TMEM236: variants seen among roughly 807,000 people sequenced by gnomAD.
TMEM236 encodes family with sequence similarity 23, member A.
A neutral mutation model predicts 14.7 loss-of-function variants in TMEM236; 11 were observed. That is an observed-to-expected ratio of 0.75 (90% CI 0.47 to 1.24). The LOEUF is 1.24. TMEM236 is among the 50% of genes most tolerant of loss of function. The probability of loss-of-function intolerance (pLI) is 0.00; values close to 1 mark genes in which losing one functional copy is unlikely to be tolerated. For missense variants in TMEM236, 464 were observed against 427.3 expected (o/e 1.09, Z -0.76); for synonymous variants, 182 against 168.6 (o/e 1.08, Z -0.62).
At chr10:17,774,030 TTTGTTTG>T (rs1837618575) in intron 2 of TMEM236, among the ~76,000 whole-genome samples, 65 of 57,646 alleles carry the variant, frequency 1.1e-3, no homozygotes, top group African/African-American at 6.4e-3. Context: ...TATATATATT[TTTGTTTG>T]TTTGTTTGTT....
intron 3 of TMEM236, among the ~76,000 whole-genome samples, chr10:17,788,270 C>T (rs1837869426): frequency 6.6e-6 from 1 of 150,682 alleles, no homozygotes; most frequent in African/African-American, 2.4e-5. Context: ...CTAGTCTAAC[C>T]ATATATCTCT....
At chr10:17,775,991 CAAT>C in intron 2 of TMEM236, 35 bp from the exon 3 acceptor site, 1 of 1,612,716 alleles carries the variant, frequency 6.2e-7, no homozygotes, top group Non-Finnish European at 8.5e-7. Flanking sequence ...AAAGAAAGCA[CAAT>C]AATTTAATGC....
At position 17,797,135 on chromosome 10, in the gene TMEM236, C is replaced by A. The variant is rs1838029962; in HGVS notation, c.*631C>A. 6.5e-6 allele frequency: 1 copy of A among 153,440 alleles called. No individual in the cohort carries two copies. Among genetic ancestry groups the A allele is most frequent in the African/African-American group, 2.4e-5 (1 of 41,406 alleles). 9.5% of individuals were successfully genotyped at this position (153,440 alleles called of 1,614,324 possible). A position where few individuals can be genotyped will look rare whatever the true frequency, so the allele number is the denominator to read the frequency against. ...GTATACCACGCTTTTTCTAAGAATA[C>A]TCTTCAACGGAGCCCTTTAAAAAAC... On this transcript the variant is annotated 3_prime_UTR_variant, in exon 4 of 4. Coordinates refer to ENST00000377495, the MANE Select transcript of TMEM236 (RefSeq NM_001098844.3).
At chr10:17,761,904 C>T (rs1011415980) in intron 1 of TMEM236, among the ~76,000 whole-genome samples, 4 of 152,104 alleles carry the variant, frequency 2.6e-5, no homozygotes, top group South Asian at 2.1e-4. Flanking sequence ...TGTGGCTCTT[C>T]GTAGAACAGC....
At chr10:17,790,559 A>G (rs1837909629) in intron 3 of TMEM236, among the ~76,000 whole-genome samples, 1 of 152,244 alleles carries the variant, frequency 6.6e-6, no homozygotes, top group African/African-American at 2.4e-5. Context: ...ATAAATGAAT[A>G]AAGAAATAAA....
At chr10:17,773,882 T>C (rs1421281962) in intron 2 of TMEM236, among the ~76,000 whole-genome samples, 1 of 152,228 alleles carries the variant, frequency 6.6e-6, no homozygotes, top group African/African-American at 2.4e-5. Context: ...CACTTTTATA[T>C]CTTTTTGATG....
chr10:17,793,451 G>C (rs938787547), intron 3 of TMEM236, among the ~76,000 whole-genome samples: 1 of 151,996 alleles, frequency 6.6e-6, no homozygotes, highest in Non-Finnish European at 1.5e-5. Flanking sequence ...ATATTATAAG[G>C]CAATATTTTC....
Position 17,796,594 on chromosome 10 carries a change from C to A in TMEM236, c.*90C>A. ...TTTTCTTGGGGCGTAGGTGTTTGCA[C>A]TATAAAGGAAATGACTAGATTGTAG... is the stretch of plus-strand genomic sequence containing the variant. On this transcript the variant is annotated 3_prime_UTR_variant, in exon 4 of 4. Coordinates refer to ENST00000377495, the MANE Select transcript of TMEM236 (RefSeq NM_001098844.3). 2 of 1,174,962 alleles carry A rather than the reference C, an allele frequency of 1.7e-6. No homozygotes were observed. Among genetic ancestry groups the A allele is most frequent in the Non-Finnish European group, 2.5e-6 (2 of 800,368 alleles). The allele number at this position is 1,174,962 out of a possible 1,614,324, so 72.8% of individuals were successfully genotyped here. A position where few individuals can be genotyped will look rare whatever the true frequency, so the allele number is the denominator to read the frequency against.
intron 3 of TMEM236, among the ~76,000 whole-genome samples, chr10:17,794,032 A>C (rs1589154225): frequency 6.6e-6 from 1 of 152,188 alleles, no homozygotes; most frequent in African/African-American, 2.4e-5. Context: ...ATGTGTCATC[A>C]AGAATTTAGA....
chr10:17,782,608 C>T (rs994007642), intron 3 of TMEM236, among the ~76,000 whole-genome samples: 2 of 151,992 alleles, frequency 1.3e-5, no homozygotes, highest in African/African-American at 4.8e-5. Flanking sequence ...TGCACCACCA[C>T]GTCCCTCTAA....
intron 1 of TMEM236, among the ~76,000 whole-genome samples, chr10:17,754,394 C>T (rs1263151137): frequency 2.6e-5 from 4 of 152,078 alleles, no homozygotes; most frequent in East Asian, 1.9e-4. Flanking sequence ...GATCATTGCT[C>T]ACAGCAGCCT....
intron 3 of TMEM236, among the ~76,000 whole-genome samples, chr10:17,787,051 A>G (rs941425962): frequency 5.3e-5 from 8 of 152,182 alleles, no homozygotes; most frequent in African/African-American, 1.9e-4. Context: ...TGTAAGTCCA[A>G]TTAAACCTCC....
rs922440082 is a variant in TMEM236 at position 17,781,607 on chromosome 10, G to A, written c.472+5437G>A. 2.2e-4 allele frequency among the ~76,000 whole-genome samples: 34 copies of A among 152,062 alleles called. 2 individuals carry two copies. Among genetic ancestry groups the A allele is most frequent in the South Asian group, 1.7e-3 (8 of 4,814 alleles). ...CTAAAAATATAAAAATTGGTTGGCC[G>A]TGGTGGCATGCGCCTGTAATACCAG... On this transcript the variant is annotated intron_variant, in intron 3 of 3. Transcript: ENST00000377495.
chr10:17,778,560 A>G lies in TMEM236; in HGVS notation c.472+2390A>G, dbSNP rs915607729. On this transcript the variant is annotated intron_variant, in intron 3 of 3. Transcript: ENST00000377495. ...TGATACTTGCAAGTAAAAAAAATTG[A>G]CTAGAGGCGGGGGATGAACAAGATC... Among the ~76,000 whole-genome samples the G allele has an allele frequency of 7.2e-5, 11 of 152,296 alleles. No individual in the cohort carries two copies. The East Asian group carries it at 2.1e-3, about 29-fold the overall frequency.
Position 17,768,086 on chromosome 10 carries a change from GT to G in TMEM236, c.258-3201del, listed in dbSNP as rs879036347. Among the ~76,000 whole-genome samples the G allele has an allele frequency of 9.5e-3, 873 of 91,976 alleles. 5 individuals carry two copies. The highest frequency in any genetic ancestry group is 0.036 in the African/African-American group (809 of 22,698). 60.3% of individuals were successfully genotyped at this position (91,976 alleles called of 152,430 possible). ...CCACCACACCTCGCTAATTTTTGTGGTTTTTTTTTTTTTTTTTTTTTTGTAG... is the reference window on the plus strand; with the variant it reads ...CCACCACACCTCGCTAATTTTTGTGGTTTTTTTTTTTTTTTTTTTTTGTAG... On this transcript the variant is annotated intron_variant, in intron 1 of 3. Transcript: ENST00000377495.
chr10:17,761,603 A>C (rs1262788291), intron 1 of TMEM236, among the ~76,000 whole-genome samples: 4 of 151,060 alleles, frequency 2.6e-5, no homozygotes, highest in African/African-American at 9.7e-5. Context: ...CTGAGGCAGG[A>C]GAATCGCTGG....
chr10:17,752,915 CGTTT>C (rs1286291046), intron 1 of TMEM236, among the ~76,000 whole-genome samples: 3 of 151,778 alleles, frequency 2.0e-5, no homozygotes, highest in African/African-American at 4.8e-5. Flanking sequence ...GTCAAAGATA[CGTTT>C]GTTTGTTTGT....
chr10:17,770,942 A>G (rs1259449605), intron 1 of TMEM236, among the ~76,000 whole-genome samples: 1 of 152,248 alleles, frequency 6.6e-6, no homozygotes, highest in Non-Finnish European at 1.5e-5. Context: ...GGGATATAAT[A>G]TAACTTGAAA....
chr10:17,781,619 G>A (rs888342478), intron 3 of TMEM236, among the ~76,000 whole-genome samples: 13 of 151,902 alleles, frequency 8.6e-5, no homozygotes, highest in Admixed American at 2.0e-4. Context: ...GGTGGCATGC[G>A]CCTGTAATAC....
Sources: allele counts gnomAD v4.1 joint callset (sites outside exome capture counted in the v4.1 genomes callset), GRCh38; gene constraint gnomAD v4.1.1; transcripts MANE v1.5; gene names NCBI Gene and HGNC (gene_info 2026-07-23, HGNC 2026-07-21).